STX8: variants seen among roughly 807,000 people sequenced by gnomAD.
The protein encoded by STX8 is syntaxin 8.
In STX8, 23 loss-of-function variants were observed where a neutral mutation model predicts 37.5. The ratio of observed to expected loss-of-function variants is 0.61; its 90% CI spans 0.44 to 0.87. STX8 has a LOEUF of 0.87. Ranked by LOEUF, STX8 falls within the 40% of genes least tolerant of loss-of-function variation. The pLI is 0.00. For missense variants in STX8, 313 were observed against 284.7 expected (o/e 1.10, Z -0.71); for synonymous variants, 115 against 99.1 (o/e 1.16, Z -0.95).
intron 7 of STX8, among the ~76,000 whole-genome samples, chr17:9,289,209 GAT>G (rs1908215223): frequency 1.3e-5 from 2 of 152,176 alleles, no homozygotes; most frequent in East Asian, 3.8e-4. Context: ...AGATAATAAA[GAT>G]AGTTTTGGAC....
intron 7 of STX8, among the ~76,000 whole-genome samples, chr17:9,366,393 G>A (rs1238064611): frequency 6.6e-6 from 1 of 152,134 alleles, no homozygotes; most frequent in Admixed American, 6.5e-5. Flanking sequence ...CGCCATGCCT[G>A]GCTAATTTGT....
intron 7 of STX8, among the ~76,000 whole-genome samples, chr17:9,333,755 G>A (rs1214532105): frequency 2.1e-5 from 3 of 142,912 alleles, no homozygotes; most frequent in Non-Finnish European, 4.4e-5. Context: ...ACACACACAT[G>A]TTTTTTAAAA....
chr17:9,251,528 G>A (rs1306984473), intron 7 of STX8, among the ~76,000 whole-genome samples: 1 of 152,180 alleles, frequency 6.6e-6, no homozygotes, highest in East Asian at 1.9e-4. Context: ...AGCTGCCAAG[G>A]CCCCACGAGA....
intron 4 of STX8, among the ~76,000 whole-genome samples, chr17:9,517,311 G>A (rs1303343882): frequency 2.0e-5 from 3 of 152,096 alleles, no homozygotes; most frequent in African/African-American, 7.2e-5. Flanking sequence ...TCACATTATG[G>A]CTGGCATAAT....
chr17:9,370,179 C>T (rs1193202142), intron 7 of STX8, among the ~76,000 whole-genome samples: 1 of 152,134 alleles, frequency 6.6e-6, no homozygotes, highest in African/African-American at 2.4e-5. Context: ...CACACCATTG[C>T]ACTCCAGCCT....
At chr17:9,326,486 T>C (rs1200794335) in intron 7 of STX8, among the ~76,000 whole-genome samples, 3 of 152,184 alleles carry the variant, frequency 2.0e-5, no homozygotes, top group Non-Finnish European at 2.9e-5. Flanking sequence ...AATTACTCAG[T>C]GTTCTTTCGA....
intron 6 of STX8, among the ~76,000 whole-genome samples, chr17:9,413,220 T>C (rs547274146): frequency 2.0e-5 from 3 of 152,324 alleles, no homozygotes; most frequent in African/African-American, 7.2e-5. Flanking sequence ...CAATCTGTTA[T>C]GAGTAGGAAA....
At chr17:9,420,948 G>C (rs1474644577) in intron 6 of STX8, among the ~76,000 whole-genome samples, 1 of 152,148 alleles carries the variant, frequency 6.6e-6, no homozygotes, top group Non-Finnish European at 1.5e-5. Context: ...GAGTCCCATT[G>C]TTCCACCAGT....
chr17:9,377,140 G>T (rs1175894148), intron 7 of STX8, among the ~76,000 whole-genome samples: 1 of 152,084 alleles, frequency 6.6e-6, no homozygotes. Context: ...CACAGCCAGG[G>T]AAGGTGATGC....
At chr17:9,295,782 T>C (rs571804297) in intron 7 of STX8, among the ~76,000 whole-genome samples, 35 of 123,478 alleles carry the variant, frequency 2.8e-4, no homozygotes, top group Admixed American at 8.1e-4. Flanking sequence ...CAGTGGCTCA[T>C]GCCTGTAATC....
intron 6 of STX8, among the ~76,000 whole-genome samples, chr17:9,422,997 G>C (rs573902045): frequency 2.0e-5 from 3 of 152,280 alleles, no homozygotes; most frequent in African/African-American, 7.2e-5. Flanking sequence ...TGTACGTGGT[G>C]ATAAAGAAGC....
chr17:9,479,514 T>C (rs1042405686), intron 6 of STX8, among the ~76,000 whole-genome samples: 6 of 150,296 alleles, frequency 4.0e-5, no homozygotes, highest in African/African-American at 1.5e-4. Flanking sequence ...AGCCTGGGAA[T>C]ACATGTTATA....
chr17:9,259,237 C>T (rs574926336), intron 7 of STX8, among the ~76,000 whole-genome samples: 2 of 152,202 alleles, frequency 1.3e-5, no homozygotes, highest in African/African-American at 4.8e-5. Context: ...GTGAGGATTT[C>T]GGAAGATACA....
chr17:9,557,573 A>G lies in STX8; in HGVS notation c.118-45T>C, dbSNP rs747941128. 10 of 1,550,342 alleles carry G rather than the reference A, an allele frequency of 6.5e-6. No individual in the cohort carries two copies. In the South Asian group the frequency reaches 6.7e-5, roughly 10 times the overall value. The stretch of plus-strand genomic sequence containing the variant: ...TCCTAAGTATTCTAGTCCAGAATGT[A>G]GAATCCACAAAATTACATCACGTAA... On this transcript the variant is annotated intron_variant, in intron 2 of 7. Coordinates refer to ENST00000306357, the MANE Select transcript of STX8 (RefSeq NM_004853.3).
intron 6 of STX8, among the ~76,000 whole-genome samples, chr17:9,440,814 C>CGTG (rs1904621318): frequency 6.6e-6 from 1 of 151,736 alleles, no homozygotes; most frequent in Non-Finnish European, 1.5e-5. Context: ...CGTGAGCCAC[C>CGTG]GCATCCAGCC....
intron 6 of STX8, among the ~76,000 whole-genome samples, chr17:9,470,661 T>C (rs1905808842): frequency 6.6e-6 from 1 of 152,216 alleles, no homozygotes; most frequent in East Asian, 1.9e-4. Context: ...AGTAACATGA[T>C]AAATAAGTCA....
rs33970359 is a variant in STX8, at chr17:9,522,541, C to CAA, written c.324-17381_324-17380dup. ...TGAAACTCCGTCTCTACTAAAAATC[C>CAA]AAAAAAAAAAAAAAAAAAAAAATTA... On this transcript the variant is annotated intron_variant, in intron 4 of 7. Coordinates refer to ENST00000306357, the MANE Select transcript of STX8 (RefSeq NM_004853.3). Among the ~76,000 whole-genome samples, 556 of 66,878 alleles carry CAA rather than the reference C, an allele frequency of 8.3e-3. 18 individuals are homozygous for CAA. The highest frequency in any genetic ancestry group is 0.02 in the African/African-American group (479 of 23,592). 43.9% of individuals were successfully genotyped at this position (66,878 alleles called of 152,430 possible). A position where few individuals can be genotyped will look rare whatever the true frequency, so the allele number is the denominator to read the frequency against.
At chr17:9,567,291 A>C (rs1907500586) in intron 2 of STX8, among the ~76,000 whole-genome samples, 1 of 152,236 alleles carries the variant, frequency 6.6e-6, no homozygotes, top group Admixed American at 6.5e-5. Flanking sequence ...TGTACCCCTG[A>C]ACTTGAAAGT....
chr17:9,355,571 C>T (rs1360529214), intron 7 of STX8, among the ~76,000 whole-genome samples: 4 of 150,054 alleles, frequency 2.7e-5, no homozygotes, highest in East Asian at 2.0e-4. Flanking sequence ...GGCGCAATCT[C>T]GGCTCACTGC....
Sources: allele counts gnomAD v4.1 joint callset (sites outside exome capture counted in the v4.1 genomes callset), GRCh38; gene constraint gnomAD v4.1.1; transcripts MANE v1.5; gene names NCBI Gene and HGNC (gene_info 2026-07-23, HGNC 2026-07-21).